Variants in ITSN1 observed in about 807,000 individuals in gnomAD.
ITSN1 encodes the protein intersectin 1, also known as intersectin-1.
In ITSN1, 58 loss-of-function variants were observed where a neutral mutation model predicts 239.8. That is an observed-to-expected ratio of 0.24 (90% CI 0.20 to 0.30). The LOEUF is 0.30. ITSN1 is among the 10% of genes least tolerant of loss of function. The pLI, the probability that ITSN1 is intolerant of heterozygous loss-of-function variation, is 1.00. For synonymous variants in ITSN1, 780 were observed against 770.8 expected, an observed-to-expected ratio of 1.01 and a Z score of -0.20; for missense variants, 1,558 against 2,103.3, an observed-to-expected ratio of 0.74 and a Z score of 5.07.
At chr21:33,874,808 C>G (rs1983438675) in intron 33 of ITSN1, among the ~76,000 whole-genome samples, 1 of 151,992 alleles carries the variant, frequency 6.6e-6, no homozygotes, top group Admixed American at 6.6e-5. Context: ...GCCACCACGC[C>G]CAGCTAATTT....
At position 33,856,133 on chromosome 21, in the gene ITSN1, A is replaced by G. The variant is rs189417766; in HGVS notation, c.3662-603A>G. On this transcript the variant is annotated intron_variant, in intron 29 of 39. Coordinates refer to ENST00000381318, the MANE Select transcript of ITSN1 (RefSeq NM_003024.3). ...GGGGATAATTCTAGTATAATACTTGAGCATTAAATGCAGTTCACCACCTGA... is the reference window on the plus strand; with the variant it reads ...GGGGATAATTCTAGTATAATACTTGGGCATTAAATGCAGTTCACCACCTGA... Among the ~76,000 whole-genome samples the G allele has an allele frequency of 1.6e-4, 24 of 152,348 alleles. No homozygotes were observed. In the East Asian group the frequency reaches 3.7e-3, roughly 23 times the overall value.
intron 33 of ITSN1, among the ~76,000 whole-genome samples, chr21:33,871,504 G>A (rs971034976): frequency 6.6e-6 from 1 of 151,974 alleles, no homozygotes; most frequent in African/African-American, 2.4e-5. Flanking sequence ...AGCACTTTGG[G>A]AGGCCGAGGC....
Position 33,675,905 on chromosome 21 carries a change from T to C in ITSN1, c.-33+33192T>C, listed in dbSNP as rs181326278. On this transcript the variant is annotated intron_variant, in intron 1 of 39. Transcript: ENST00000381318. ...TACTTAGGGACATTAATTCCTTACA[T>C]CATATGCTTCAGATATTTGTTTCCA... Among the ~76,000 whole-genome samples, 16 of 152,334 alleles carry C rather than the reference T, an allele frequency of 1.1e-4. No homozygotes were observed. In the East Asian group the frequency reaches 2.9e-3, roughly 28 times the overall value.
At chr21:33,643,972 G>A (rs2055194992) in intron 1 of ITSN1, 1 of 152,302 alleles carries the variant, frequency 6.6e-6, no homozygotes, top group African/African-American at 2.4e-5. Context: ...TAGTGGACAG[G>A]ATGTGAGGGC....
rs184271701 is a variant in ITSN1 at position 33,795,374 on chromosome 21, G to A, written c.1952+906G>A. ...TGAGGCAGGAGGATCACTTGAACCC[G>A]GGAGGCGGAGGTTGCAGTGAGCTGA... On this transcript the variant is annotated intron_variant, in intron 17 of 39. Transcript: ENST00000381318. Among the ~76,000 whole-genome samples the A allele has an allele frequency of 1.3e-3, 197 of 152,238 alleles. 1 individual carries two copies. Among genetic ancestry groups the A allele is most frequent in the African/African-American group, 4.4e-3 (181 of 41,536 alleles).
At chr21:33,715,358 C>G (rs2065074887) in intron 1 of ITSN1, among the ~76,000 whole-genome samples, 1 of 152,030 alleles carries the variant, frequency 6.6e-6, no homozygotes, top group Admixed American at 6.6e-5. Flanking sequence ...TCAATAACCT[C>G]TTTATTTTGC....
rs189477546 is a variant in ITSN1, at chr21:33,797,818, G to A, written c.2182+210G>A. Among the ~76,000 whole-genome samples the A allele has an allele frequency of 1.3e-5, 2 of 151,892 alleles. No homozygotes were observed. The highest frequency in any genetic ancestry group is 2.4e-5 in the African/African-American group (1 of 41,416). ...ACCACCATGCCAGCCTCTGGCCCAC[G>A]TTACACTGGCATCCACGAGTCCTCT... On this transcript the variant is annotated intron_variant, in intron 18 of 39. Transcript: ENST00000381318. This position sits in a 1 kb window ranked among gnomAD's most constrained non-coding sequence, Gnocchi z 4.9.
At chr21:33,766,442 C>A (rs1009885338) in intron 10 of ITSN1, among the ~76,000 whole-genome samples, 3 of 152,192 alleles carry the variant, frequency 2.0e-5, no homozygotes, top group African/African-American at 7.2e-5. Context: ...TTACCCTGGA[C>A]TGAAAGACAG....
At chr21:33,742,319 T>G (rs1156654543) in intron 5 of ITSN1, among the ~76,000 whole-genome samples, 8 of 152,134 alleles carry the variant, frequency 5.3e-5, no homozygotes, top group Non-Finnish European at 1.0e-4. Flanking sequence ...CCTCCCAAAG[T>G]GCTGGGATTA....
intron 6 of ITSN1, among the ~76,000 whole-genome samples, chr21:33,751,179 C>G (rs1277763268): frequency 6.6e-6 from 1 of 152,108 alleles, no homozygotes; most frequent in East Asian, 1.9e-4. Context: ...ATGATGGTAG[C>G]CCAGAAAGTG....
Position 33,813,900 on chromosome 21 carries a change from C to CT in ITSN1, c.2568-9dup, listed in dbSNP as rs545694216. 391 of 1,609,806 alleles carry CT rather than the reference C, an allele frequency of 2.4e-4. 1 individual carries two copies. The African/African-American group carries it at 5.0e-3, about 21-fold the overall frequency. ...AGTGCTTGTTATTCATGGTGTTGTG[C>CT]TTTTCCCTCCAGGTGGCCCACCAGC... On this transcript the variant is annotated splice_polypyrimidine_tract_variant and intron_variant, in intron 21 of 39. Transcript: ENST00000381318.
chr21:33,654,014 C>T (rs1387277886), intron 1 of ITSN1, among the ~76,000 whole-genome samples: 1 of 151,106 alleles, frequency 6.6e-6, no homozygotes, highest in African/African-American at 2.4e-5. Flanking sequence ...CCTTTAATTC[C>T]TTCCTTCTTT....
At position 33,817,734 on chromosome 21, in the gene ITSN1, G is replaced by C. The variant is rs551968233; in HGVS notation, c.2728-533G>C. 1.3e-3 allele frequency: 1,142 copies of C among 894,210 alleles called. 1 individual carries two copies. Among genetic ancestry groups the C allele is most frequent in the Non-Finnish European group, 1.4e-3 (973 of 674,656 alleles). 55.4% of individuals were successfully genotyped at this position (894,210 alleles called of 1,614,324 possible). ...ATGTACAATAAATGGTAATTACAATGAATTTATGCTAACCAAATCCCTGTT... is the reference window on the plus strand; with the variant it reads ...ATGTACAATAAATGGTAATTACAATCAATTTATGCTAACCAAATCCCTGTT... On this transcript the variant is annotated intron_variant, in intron 22 of 39. Transcript: ENST00000381318.
In ITSN1 at chr21:33,774,740, G is replaced by T. The variant is rs1243426439; in HGVS notation, c.1317G>T (p.Arg439=). ...KEIERREAAK[R]ELERQRQLEW... ...TGTAAATGTCACAGGCTGCAAAACG[G>T]GAACTTGAAAGGCAACGACAACTTG... The change falls in exon 13 of 40, where the codon CGG becomes CGT. Residue 439 remains arginine (R), a synonymous_variant. Coordinates refer to ENST00000381318, the MANE Select transcript of ITSN1 (RefSeq NM_003024.3). The T allele has an allele frequency of 3.1e-6, 5 of 1,612,498 alleles. No individual in the cohort carries two copies. The highest frequency in any genetic ancestry group is 1.7e-5 in the Admixed American group (1 of 59,490).
chr21:33,728,352 C>G (rs1355433396), intron 4 of ITSN1, among the ~76,000 whole-genome samples: 1 of 152,092 alleles, frequency 6.6e-6, no homozygotes, highest in African/African-American at 2.4e-5. Flanking sequence ...CCTGCCTCAG[C>G]CTCCCGAGTA....
chr21:33,818,221 A>T lies in ITSN1; in HGVS notation c.2728-46A>T, dbSNP rs769632225. The T allele has an allele frequency of 2.6e-6, 4 of 1,553,842 alleles. No homozygotes were observed. The Admixed American group carries it at 5.0e-5, about 20-fold the overall frequency. ...ATGCTCACGTCTGCCCTAATTGATAACAAAGCGCAACATAACGAGAGGTCC... is the reference window on the plus strand; with the variant it reads ...ATGCTCACGTCTGCCCTAATTGATATCAAAGCGCAACATAACGAGAGGTCC... On this transcript the variant is annotated intron_variant, in intron 22 of 39. Transcript: ENST00000381318.
chr21:33,692,162 A>T (rs1314381915), intron 1 of ITSN1, among the ~76,000 whole-genome samples: 1 of 152,228 alleles, frequency 6.6e-6, no homozygotes, highest in Non-Finnish European at 1.5e-5. Flanking sequence ...AGGAGGGCTC[A>T]GAGAAGCCTG....
chr21:33,881,975 A>T (rs1391198964), intron 34 of ITSN1, among the ~76,000 whole-genome samples: 17 of 151,904 alleles, frequency 1.1e-4, no homozygotes. Context: ...AAAAGAAAAA[A>T]CACACCAGTT....
chr21:33,646,996 GA>G (rs550295581), intron 1 of ITSN1, among the ~76,000 whole-genome samples: 1,499 of 145,530 alleles, frequency 0.01, 31 homozygotes, highest in African/African-American at 0.036. Flanking sequence ...AAAAAAAAAA[GA>G]AAAAAAAAAG....
Sources: allele counts gnomAD v4.1 joint callset (sites outside exome capture counted in the v4.1 genomes callset), GRCh38; gene constraint gnomAD v4.1.1; non-coding constraint Gnocchi (gnomAD v3.1); transcripts MANE v1.5; gene names NCBI Gene and HGNC (gene_info 2026-07-23, HGNC 2026-07-21).